The following NRXN3 variants were observed in gnomAD, a reference collection of about 807,000 sequenced individuals.
NRXN3 encodes neurexin III.
Under a neutral mutation model 137.6 loss-of-function variants are expected in NRXN3, and 32 were observed. The ratio of observed to expected loss-of-function variants is 0.23; its 90% CI spans 0.18 to 0.31. The LOEUF (loss-of-function observed/expected upper bound fraction) is 0.31, where lower values mean the gene tolerates loss of function less well. NRXN3 is among the 10% of genes least tolerant of loss of function. The pLI is 1.00. For missense variants in NRXN3, 1,574 were observed against 2,062.5 expected (o/e 0.76, Z 4.59); for synonymous variants, 798 against 784.5 (o/e 1.02, Z -0.29).
chr14:79,524,288 G>A lies in NRXN3; in HGVS notation c.3444+56886G>A, dbSNP rs79122706. On this transcript the variant is annotated intron_variant, in intron 16 of 20. Coordinates refer to ENST00000335750, the MANE Select transcript of NRXN3 (RefSeq NM_001330195.2). ...ATTTCTAAGACAACCAGTGAAGCTT[G>A]AGGCCTTTTCTCCAGAACTATACAA... Among the ~76,000 whole-genome samples, 3 of 152,304 alleles carry A rather than the reference G, an allele frequency of 2.0e-5. No homozygotes were observed. In the East Asian group the frequency reaches 5.8e-4, roughly 29 times the overall value.
At chr14:78,777,677 C>T (rs1031154392) in intron 8 of NRXN3, among the ~76,000 whole-genome samples, 3 of 152,182 alleles carry the variant, frequency 2.0e-5, no homozygotes, top group Non-Finnish European at 4.4e-5. Flanking sequence ...ACCCCTTCCC[C>T]TGGCTGCTGT....
intron 6 of NRXN3, among the ~76,000 whole-genome samples, chr14:78,691,293 T>C (rs2098168265): frequency 6.6e-6 from 1 of 152,198 alleles, no homozygotes; most frequent in Non-Finnish European, 1.5e-5. Context: ...TTTAGAGTGC[T>C]GCAGAGACAA....
At chr14:78,272,073 C>T (rs1048130705) in intron 2 of NRXN3, among the ~76,000 whole-genome samples, 10 of 152,194 alleles carry the variant, frequency 6.6e-5, no homozygotes, top group Non-Finnish European at 1.3e-4. Context: ...TGGGGAGGTG[C>T]AGTCTTTGCC....
chr14:78,648,121 T>G (rs965027681), intron 5 of NRXN3, among the ~76,000 whole-genome samples: 2 of 152,224 alleles, frequency 1.3e-5, no homozygotes, highest in Non-Finnish European at 2.9e-5. Flanking sequence ...TATTGTGGCT[T>G]ACAATTAAAG....
chr14:78,256,385 C>T (rs888514732), intron 2 of NRXN3, among the ~76,000 whole-genome samples: 1 of 152,210 alleles, frequency 6.6e-6, no homozygotes, highest in African/African-American at 2.4e-5. Context: ...AGGTGTTGGA[C>T]CACAGAACGC....
At chr14:78,717,941 G>A (rs1309465842) in intron 8 of NRXN3, among the ~76,000 whole-genome samples, 1 of 152,216 alleles carries the variant, frequency 6.6e-6, no homozygotes, top group Non-Finnish European at 1.5e-5. Context: ...TGATGGCCCA[G>A]AGAAGGGGAT....
intron 15 of NRXN3, among the ~76,000 whole-genome samples, chr14:79,011,576 C>T (rs2099571414): frequency 6.6e-6 from 1 of 152,000 alleles, no homozygotes; most frequent in Non-Finnish European, 1.5e-5. Context: ...CTTTTTCAAC[C>T]TTCTTGCAAT....
intron 15 of NRXN3, among the ~76,000 whole-genome samples, chr14:79,461,593 GTC>G (rs1232879786): frequency 2.0e-5 from 3 of 152,126 alleles, no homozygotes; most frequent in Admixed American, 1.3e-4. Context: ...TTAAATTTAT[GTC>G]TCTATTTGCT....
At position 78,425,425 on chromosome 14, in the gene NRXN3, G is replaced by A. The variant is rs117705653; in HGVS notation, c.757+127565G>A. Reference sequence around the variant, plus strand: ...ATTTTAGCATGTACAGGAATGATCTGTGGGGGAAGTGTCAAATCTGCATAT... The same window carrying A: ...ATTTTAGCATGTACAGGAATGATCTATGGGGGAAGTGTCAAATCTGCATAT... On this transcript the variant is annotated intron_variant, in intron 4 of 20. Coordinates refer to ENST00000335750, the MANE Select transcript of NRXN3 (RefSeq NM_001330195.2). 2.4e-3 allele frequency among the ~76,000 whole-genome samples: 358 copies of A among 152,330 alleles called. 3 individuals carry two copies. Among genetic ancestry groups the A allele is most frequent in the Middle Eastern group, 6.8e-3 (2 of 294 alleles).
At chr14:79,061,472 A>G (rs993491524) in intron 15 of NRXN3, among the ~76,000 whole-genome samples, 5 of 152,198 alleles carry the variant, frequency 3.3e-5, no homozygotes, top group African/African-American at 1.2e-4. Context: ...CAAAGCACCC[A>G]TGGCAAGGGG....
At chr14:78,523,594 T>C (rs1456753685) in intron 4 of NRXN3, among the ~76,000 whole-genome samples, 15 of 144,396 alleles carry the variant, frequency 1.0e-4, no homozygotes, top group Non-Finnish European at 2.2e-4. Context: ...GGTCAGGAGA[T>C]TGAGACCATC....
chr14:79,115,521 C>T (rs2054297699), intron 15 of NRXN3, among the ~76,000 whole-genome samples: 1 of 152,082 alleles, frequency 6.6e-6, no homozygotes. Context: ...AAATACCACT[C>T]TGGCAGGAAT....
At chr14:78,209,712 G>T (rs1395208139) in intron 1 of NRXN3, among the ~76,000 whole-genome samples, 1 of 152,160 alleles carries the variant, frequency 6.6e-6, no homozygotes, top group Non-Finnish European at 1.5e-5. Context: ...CCCTCAACAT[G>T]TGGAGATTAT....
intron 4 of NRXN3, among the ~76,000 whole-genome samples, chr14:78,322,093 T>A (rs949563423): frequency 3.2e-4 from 48 of 152,016 alleles, no homozygotes; most frequent in Non-Finnish European, 1.6e-4. Flanking sequence ...CCTTTTTTTT[T>A]AATCAGCTCT....
At chr14:79,340,716 G>A (rs561456576) in intron 15 of NRXN3, among the ~76,000 whole-genome samples, 19 of 152,208 alleles carry the variant, frequency 1.2e-4, no homozygotes, top group Non-Finnish European at 1.8e-4. Context: ...CGCCCACCTC[G>A]GCCTCCCAAA....
At chr14:78,950,431 A>G (rs2099384802) in intron 10 of NRXN3, among the ~76,000 whole-genome samples, 1 of 152,190 alleles carries the variant, frequency 6.6e-6, no homozygotes, top group Non-Finnish European at 1.5e-5. Flanking sequence ...GAGATGCTCC[A>G]TTCTCTCAGC....
At chr14:78,417,495 A>T (rs1259856222) in intron 4 of NRXN3, among the ~76,000 whole-genome samples, 1 of 152,154 alleles carries the variant, frequency 6.6e-6, no homozygotes, top group Non-Finnish European at 1.5e-5. Context: ...TAGCATTATT[A>T]TGACTTATTT....
intron 17 of NRXN3, among the ~76,000 whole-genome samples, chr14:79,683,583 A>G (rs1391721133): frequency 6.6e-6 from 1 of 152,184 alleles, no homozygotes. Flanking sequence ...AGTAAAATTT[A>G]TTATCTCACA....
chr14:78,290,312 T>C (rs906099999), intron 3 of NRXN3, among the ~76,000 whole-genome samples: 26 of 152,192 alleles, frequency 1.7e-4, no homozygotes, highest in Admixed American at 6.5e-5. Context: ...TATTTTCAGG[T>C]TGAGGTCATC....
Sources: gnomAD v4.1 joint callset for allele counts (sites outside exome capture counted in the v4.1 genomes callset) on GRCh38, gnomAD v4.1.1 for gene constraint, MANE v1.5 for transcripts, NCBI Gene and HGNC (gene_info 2026-07-23, HGNC 2026-07-21) for gene names.